Variants in LYPD6B observed in about 807,000 individuals in gnomAD.
LYPD6B encodes the protein ly6/PLAUR domain-containing protein 6B.
LYPD6B carries 17 observed loss-of-function variants against 22.8 expected under a neutral mutation model. The ratio of observed to expected loss-of-function variants is 0.75; its 90% CI spans 0.51 to 1.12. The LOEUF (loss-of-function observed/expected upper bound fraction) is 1.12. Among genes scored for constraint, LYPD6B ranks in the 50% most tolerant of loss-of-function variants. The pLI, the probability that LYPD6B is intolerant of heterozygous loss-of-function variation, is 0.00. For synonymous variants in LYPD6B, 106 were observed against 91.6 expected (o/e 1.16, Z -0.90); for missense variants, 221 against 258.3 (o/e 0.86, Z 0.99).
At chr2:149,167,855 G>A (rs1323173351) in intron 3 of LYPD6B, among the ~76,000 whole-genome samples, 1 of 152,022 alleles carries the variant, frequency 6.6e-6, no homozygotes, top group African/African-American at 2.4e-5. Flanking sequence ...TTGCAGTGAC[G>A]ATGATTGCTT....
At chr2:149,132,027 A>G (rs1688061304) in intron 2 of LYPD6B, among the ~76,000 whole-genome samples, 1 of 151,908 alleles carries the variant, frequency 6.6e-6, no homozygotes, top group Non-Finnish European at 1.5e-5. Flanking sequence ...CAAAGCTAAC[A>G]CAGTATGGGG....
chr2:149,136,187 A>G (rs752744380), intron 2 of LYPD6B, among the ~76,000 whole-genome samples: 1 of 152,236 alleles, frequency 6.6e-6, no homozygotes, highest in African/African-American at 2.4e-5. Context: ...AGAAAAATGT[A>G]TTAGTTTCAC....
In LYPD6B at chr2:149,068,936, A is replaced by G; in HGVS notation, c.-67+30135A>G. On this transcript the variant is annotated intron_variant, in intron 1 of 6. Transcript: ENST00000409642. ...TTTGGCTGATGGGGTCTTCTAAGAA[A>G]CATTTCTAAAAATTATCTCGTCCGT... 1.2e-5 allele frequency: 3 copies of G among 255,726 alleles called. No individual in the cohort carries two copies. In the South Asian group the frequency reaches 1.4e-4, roughly 12 times the overall value. 15.8% of individuals were successfully genotyped at this position (255,726 alleles called of 1,614,324 possible). A position where few individuals can be genotyped will look rare whatever the true frequency, so the allele number is the denominator to read the frequency against.
At chr2:149,153,548 G>A (rs975972291) in intron 2 of LYPD6B, among the ~76,000 whole-genome samples, 1 of 152,186 alleles carries the variant, frequency 6.6e-6, no homozygotes, top group Admixed American at 6.5e-5. Context: ...AGGCCGAGGC[G>A]GGCGAATCAC....
At chr2:149,083,803 G>A (rs1220154652) in intron 1 of LYPD6B, among the ~76,000 whole-genome samples, 1 of 152,148 alleles carries the variant, frequency 6.6e-6, no homozygotes, top group Non-Finnish European at 1.5e-5. Flanking sequence ...TAGGCCGGGT[G>A]CAGTGGCTCA....
At chr2:149,151,280 C>T (rs1003399454) in intron 2 of LYPD6B, among the ~76,000 whole-genome samples, 4 of 151,918 alleles carry the variant, frequency 2.6e-5, no homozygotes, top group African/African-American at 7.3e-5. Context: ...GGAGGGAGGC[C>T]GGGTGTGAAG....
At chr2:149,178,849 C>T (rs1032107458) in intron 3 of LYPD6B, among the ~76,000 whole-genome samples, 1 of 152,176 alleles carries the variant, frequency 6.6e-6, no homozygotes, top group Non-Finnish European at 1.5e-5. Flanking sequence ...ACATGCTCTC[C>T]ACCTTCCCCG....
intron 1 of LYPD6B, among the ~76,000 whole-genome samples, chr2:149,120,385 T>TATATA (rs56118666): frequency 0.024 from 1,305 of 54,016 alleles, 11 homozygotes; most frequent in Non-Finnish European, 0.03. Flanking sequence ...ATATATATAT[T>TATATA]TTTTTTTTTT....
At chr2:149,116,262 G>A (rs983907913) in intron 1 of LYPD6B, among the ~76,000 whole-genome samples, 1 of 152,156 alleles carries the variant, frequency 6.6e-6, no homozygotes, top group Non-Finnish European at 1.5e-5. Context: ...TCATAGGTAT[G>A]TATCTATAGG....
chr2:149,100,210 G>C (rs1230878958), intron 1 of LYPD6B, among the ~76,000 whole-genome samples: 3 of 151,894 alleles, frequency 2.0e-5, no homozygotes, highest in African/African-American at 7.3e-5. Context: ...TTTGGTCCCA[G>C]GTGTAACCCC....
At chr2:149,170,011 C>T (rs1349960189) in intron 3 of LYPD6B, among the ~76,000 whole-genome samples, 2 of 152,106 alleles carry the variant, frequency 1.3e-5, no homozygotes, top group Non-Finnish European at 2.9e-5. Flanking sequence ...ATAAATGTGC[C>T]TTGGACATGG....
At chr2:149,158,189 A>G (rs1233749127) in intron 2 of LYPD6B, among the ~76,000 whole-genome samples, 1 of 152,164 alleles carries the variant, frequency 6.6e-6, no homozygotes, top group African/African-American at 2.4e-5. Context: ...TACCTCTTAC[A>G]TATGGTTCTT....
chr2:149,200,609 T>G (rs1693088134), intron 3 of LYPD6B: 1 of 152,220 alleles, frequency 6.6e-6, no homozygotes, highest in Non-Finnish European at 1.5e-5. Flanking sequence ...GTCAACTTTC[T>G]GTCTTTTCCC....
At chr2:149,126,700 C>A (rs1356894042) in intron 1 of LYPD6B, among the ~76,000 whole-genome samples, 1 of 152,134 alleles carries the variant, frequency 6.6e-6, no homozygotes, top group Non-Finnish European at 1.5e-5. Flanking sequence ...CTTTTGATTT[C>A]TTCTGCCTGG....
Position 149,124,557 on chromosome 2 carries a change from G to A in LYPD6B, c.-66-6326G>A, listed in dbSNP as rs559662176. ...TTGTCCTCAGCAACCCACGAGAGTAGCATCACTTCTAACAGTCCTGAAGTT... is the reference window on the plus strand; with the variant it reads ...TTGTCCTCAGCAACCCACGAGAGTAACATCACTTCTAACAGTCCTGAAGTT... On this transcript the variant is annotated intron_variant, in intron 1 of 6. Coordinates refer to ENST00000409642, the MANE Select transcript of LYPD6B (RefSeq NM_177964.5). 8.5e-5 allele frequency among the ~76,000 whole-genome samples: 13 copies of A among 152,216 alleles called. No homozygotes were observed. In the South Asian group the frequency reaches 2.1e-3, roughly 24 times the overall value.
intron 2 of LYPD6B, among the ~76,000 whole-genome samples, chr2:149,146,942 A>G (rs887654404): frequency 6.6e-6 from 1 of 152,220 alleles, no homozygotes; most frequent in African/African-American, 2.4e-5. Context: ...AGGTGCACAC[A>G]TGGAAAGTCT....
chr2:149,194,112 A>G (rs1692656374), intron 3 of LYPD6B, among the ~76,000 whole-genome samples: 1 of 152,204 alleles, frequency 6.6e-6, no homozygotes, highest in African/African-American at 2.4e-5. Context: ...TTCTTCAGCT[A>G]GCTCTATCTT....
At chr2:149,097,568 C>T (rs1685963371) in intron 1 of LYPD6B, among the ~76,000 whole-genome samples, 1 of 152,208 alleles carries the variant, frequency 6.6e-6, no homozygotes, top group South Asian at 2.1e-4. Context: ...CTGCTGGGCC[C>T]TAACAGTCTC....
chr2:149,058,093 A>C (rs191379473), intron 1 of LYPD6B, among the ~76,000 whole-genome samples: 1 of 152,262 alleles, frequency 6.6e-6, no homozygotes, highest in East Asian at 1.9e-4. Context: ...CTGCCTTCTG[A>C]CTGTGTGACC....
Sources: gnomAD v4.1 joint callset for allele counts (sites outside exome capture counted in the v4.1 genomes callset) on GRCh38, gnomAD v4.1.1 for gene constraint, MANE v1.5 for transcripts, NCBI Gene and HGNC (gene_info 2026-07-23, HGNC 2026-07-21) for gene names.